The following KCNT1 variants were observed in gnomAD, a reference collection of about 807,000 sequenced individuals.
The protein encoded by KCNT1 is potassium sodium-activated channel subfamily T member 1.
In KCNT1, 78 loss-of-function variants were observed where a neutral mutation model predicts 147.8. The observed-to-expected ratio is 0.53, with a 90% CI of 0.44 to 0.64. The LOEUF is 0.64. KCNT1 is among the 30% of genes least tolerant of loss of function. The pLI, the probability that KCNT1 is intolerant of heterozygous loss-of-function variation, is 0.00. For missense variants in KCNT1, 1,419 were observed against 1,750.3 expected (o/e 0.81, Z 3.38); for synonymous variants, 867 against 748.8 (o/e 1.16, Z -2.58).
At chr9:135,756,994 C>T (rs1831531142) in intron 7 of KCNT1, 62 bp downstream of exon 7, 1 of 1,038,830 alleles carries the variant, frequency 9.6e-7, no homozygotes, top group Non-Finnish European at 1.4e-6. Flanking sequence ...CCTCCCCAGC[C>T]TCCCCCACCT....
At chr9:135,772,975 C>A in intron 19 of KCNT1, 26 bp downstream of exon 19, 1 of 1,417,074 alleles carries the variant, frequency 7.1e-7, no homozygotes, top group Non-Finnish European at 9.2e-7. Context: ...GAGACGGCTC[C>A]CAGTGGGGGG....
At chr9:135,771,642 G>A (rs527590723) in intron 18 of KCNT1, among the ~76,000 whole-genome samples, 134 of 152,330 alleles carry the variant, frequency 8.8e-4, no homozygotes, top group African/African-American at 3.0e-3. Context: ...CGCAGTGGCC[G>A]AGGGCTTTGG....
At chr9:135,729,155 T>C (rs1203875802) in intron 2 of KCNT1, among the ~76,000 whole-genome samples, 2 of 152,228 alleles carry the variant, frequency 1.3e-5, no homozygotes, top group South Asian at 2.1e-4. Flanking sequence ...TGAATTTGAA[T>C]TAATCAAAGG....
chr9:135,735,878 G>A (rs1019380149), intron 2 of KCNT1, among the ~76,000 whole-genome samples: 3 of 152,174 alleles, frequency 2.0e-5, no homozygotes, highest in Admixed American at 6.5e-5. Context: ...AATACCCCCC[G>A]GCTGTTACCT....
intron 2 of KCNT1, chr9:135,742,924 GC>G (rs1202760622): frequency 2.9e-6 from 2 of 681,402 alleles, no homozygotes; most frequent in African/African-American, 3.6e-5. Context: ...CTGCAGCTGG[GC>G]CAGGGCCACC....
At chr9:135,736,704 C>T in intron 2 of KCNT1, 1 of 356,330 alleles carries the variant, frequency 2.8e-6, no homozygotes, top group Non-Finnish European at 5.0e-6. Flanking sequence ...CAGCCGGCGC[C>T]GCAGCCCCCG....
intron 2 of KCNT1, among the ~76,000 whole-genome samples, chr9:135,722,975 AG>A (rs1344943035): frequency 1.3e-5 from 2 of 152,232 alleles, no homozygotes; most frequent in East Asian, 3.8e-4. Context: ...CGGGGGATTA[AG>A]TTGCCCCTTC....
In KCNT1 at chr9:135,730,563, CG is replaced by C. The variant is rs1399824242; in HGVS notation, c.254+15847del. ...GGAGCGATGGGAGGAGGGGCCCAGCCGGGGAGGGTGGTGGTCACCGGAAGCT... is the reference window on the plus strand; with the variant it reads ...GGAGCGATGGGAGGAGGGGCCCAGCCGGGAGGGTGGTGGTCACCGGAAGCT... On this transcript the variant is annotated intron_variant, in intron 2 of 30. Coordinates refer to ENST00000371757, the MANE Select transcript of KCNT1 (RefSeq NM_020822.3). This position sits in a 1 kb window ranked among gnomAD's most constrained non-coding sequence, Gnocchi z 4.7. Among the ~76,000 whole-genome samples, 3 of 152,078 alleles carry C rather than the reference CG, an allele frequency of 2.0e-5. No individual in the cohort carries two copies. The highest frequency in any genetic ancestry group is 4.4e-5 in the Non-Finnish European group (3 of 67,984).
At chr9:135,789,845 C>T (rs997118345) in intron 29 of KCNT1, 2 of 152,474 alleles carry the variant, frequency 1.3e-5, no homozygotes, top group Non-Finnish European at 2.9e-5. Flanking sequence ...CACCCCAGGC[C>T]CTCAGGCACA....
intron 2 of KCNT1, among the ~76,000 whole-genome samples, chr9:135,717,557 CT>C (rs1323029966): frequency 1.3e-5 from 2 of 152,114 alleles, no homozygotes; most frequent in African/African-American, 4.8e-5. Context: ...GAGTGGGCAA[CT>C]TTCCGGGGGC....
chr9:135,741,377 C>T (rs1830560957), intron 2 of KCNT1, among the ~76,000 whole-genome samples: 1 of 152,214 alleles, frequency 6.6e-6, no homozygotes, highest in African/African-American at 2.4e-5. Flanking sequence ...AGACCCGCTG[C>T]CATGGGCTGA....
intron 6 of KCNT1, 80 bp downstream of exon 6, chr9:135,755,249 G>C: frequency 7.8e-7 from 1 of 1,279,292 alleles, no homozygotes; most frequent in Non-Finnish European, 1.1e-6. Context: ...TCAGTAAGTA[G>C]GGAACCCAGG....
intron 11 of KCNT1, among the ~76,000 whole-genome samples, chr9:135,761,323 G>A (rs1831898107): frequency 6.6e-6 from 1 of 152,322 alleles, no homozygotes; most frequent in East Asian, 1.9e-4. Context: ...GGGGTGGGGT[G>A]GAGCTGGGTT....
chr9:135,763,244 A>AAGACTGAGCCTT (rs1832034650), intron 11 of KCNT1, among the ~76,000 whole-genome samples: 1 of 151,834 alleles, frequency 6.6e-6, no homozygotes, highest in Admixed American at 6.6e-5. Flanking sequence ...CCTCCTCCGA[A>AAGACTGAGCCTT]TGACTGGAAA....
In KCNT1 at chr9:135,778,663, C is replaced by T. The variant is rs373812320; in HGVS notation, c.2595-25C>T. ...GTGGGGAGTGGGCCGCATCCTCAGC[C>T]ACGGGCCCTCGGTCCCGCCACCAGC... is the stretch of plus-strand genomic sequence containing the variant. On this transcript the variant is annotated intron_variant, in intron 22 of 30. Transcript: ENST00000371757. 42 of 1,612,800 alleles carry T rather than the reference C, an allele frequency of 2.6e-5. No individual in the cohort carries two copies. In the African/African-American group the frequency reaches 5.1e-4, roughly 19 times the overall value.
In KCNT1 at chr9:135,730,227, G is replaced by C. The variant is rs1836375039; in HGVS notation, c.254+15507G>C. 6.6e-6 allele frequency among the ~76,000 whole-genome samples: 1 copy of C among 152,184 alleles called. No homozygotes were observed. Among genetic ancestry groups the C allele is most frequent in the Admixed American group, 6.5e-5 (1 of 15,286 alleles). On this transcript the variant is annotated intron_variant, in intron 2 of 30. Coordinates refer to ENST00000371757, the MANE Select transcript of KCNT1 (RefSeq NM_020822.3). This position sits in a 1 kb window ranked among gnomAD's most constrained non-coding sequence, Gnocchi z 4.7. ...GCGACAACAAGGAAAGGGGTTCCCTGGACTCCCCCTTCGGAGCATCAGGTG... is the reference window on the plus strand; with the variant it reads ...GCGACAACAAGGAAAGGGGTTCCCTCGACTCCCCCTTCGGAGCATCAGGTG...
intron 13 of KCNT1, chr9:135,768,395 C>A: frequency 2.5e-6 from 1 of 406,122 alleles, no homozygotes; most frequent in Non-Finnish European, 4.3e-6. Flanking sequence ...CACTGTGACT[C>A]CTGACCAGCA....
chr9:135,742,670 T>G (rs1830625821), intron 2 of KCNT1: 2 of 707,406 alleles, frequency 2.8e-6, no homozygotes, highest in Non-Finnish European at 5.3e-6. Context: ...TCTCCATCTG[T>G]CTGTCTACTG....
intron 3 of KCNT1, chr9:135,750,462 G>GCAGGAC: frequency 1.9e-6 from 1 of 524,174 alleles, no homozygotes; most frequent in South Asian, 2.0e-5. Context: ...GCTGGGTGGG[G>GCAGGAC]CAGGACCATC....
Sources: allele counts gnomAD v4.1 joint callset (sites outside exome capture counted in the v4.1 genomes callset), GRCh38; gene constraint gnomAD v4.1.1; non-coding constraint Gnocchi (gnomAD v3.1); transcripts MANE v1.5; gene names NCBI Gene and HGNC (gene_info 2026-07-23, HGNC 2026-07-21).